The following MET variants were observed in gnomAD, a reference collection of about 807,000 sequenced individuals.
The protein encoded by MET is MET proto-oncogene, receptor tyrosine kinase, also known as hepatocyte growth factor receptor.
A neutral mutation model predicts 133.1 loss-of-function variants in MET; 48 were observed. The observed-to-expected ratio is 0.36, with a 90% CI of 0.29 to 0.46. The LOEUF is 0.46. MET is among the 20% of genes least tolerant of loss of function. The pLI, the probability that MET is intolerant of heterozygous loss-of-function variation, is 1.00. For missense variants in MET, 1,442 were observed against 1,695.9 expected (o/e 0.85, Z 2.63); for synonymous variants, 628 against 616.5 (o/e 1.02, Z -0.28).
At chr7:116,697,602 G>A (rs777212789) in intron 1 of MET, among the ~76,000 whole-genome samples, 10 of 151,944 alleles carry the variant, frequency 6.6e-5, no homozygotes, top group South Asian at 2.1e-4. Context: ...TTCGAATTTC[G>A]GCTTAATTTT....
intron 17 of MET, among the ~76,000 whole-genome samples, chr7:116,779,800 G>T (rs1018357996): frequency 4.6e-5 from 7 of 152,028 alleles, no homozygotes; most frequent in African/African-American, 1.7e-4. Context: ...GATTTTGGGG[G>T]TTGAAAAATA....
At chr7:116,698,975 A>C in intron 1 of MET, 96 bp from the exon 2 acceptor site, 1 of 1,554,946 alleles carries the variant, frequency 6.4e-7, no homozygotes, top group South Asian at 1.2e-5. Context: ...TCCAGTTGGG[A>C]AGCTTTATTT....
At chr7:116,753,947 G>A (rs1414841619) in intron 5 of MET, among the ~76,000 whole-genome samples, 1 of 152,096 alleles carries the variant, frequency 6.6e-6, no homozygotes, top group Non-Finnish European at 1.5e-5. Context: ...TGAAACCTGG[G>A]CAGCATAACA....
At chr7:116,723,821 G>T (rs1374151019) in intron 2 of MET, among the ~76,000 whole-genome samples, 26 of 152,200 alleles carry the variant, frequency 1.7e-4, no homozygotes, top group Admixed American at 1.7e-3. Flanking sequence ...GGACCCACTT[G>T]AGGAGGCAGT....
At position 116,731,778 on chromosome 7, in the gene MET, C is replaced by G. The variant is rs1324576950; in HGVS notation, c.1311C>G (p.Val437=). The change falls in exon 3 of 21, where the codon GTC becomes GTG. Residue 437 remains valine, a synonymous_variant. Transcript: ENST00000397752. ...TATTCATGGGTCAATTCAGCGAAGT[C>G]CTCTTAACATCTATATCCACCTTCA... ...VDLFMGQFSE[V]LLTSISTFIK... The G allele has an allele frequency of 1.2e-6, 2 of 1,614,036 alleles. No homozygotes were observed. Among genetic ancestry groups the G allele is most frequent in the African/African-American group, 2.7e-5 (2 of 74,946 alleles).
chr7:116,762,574 T>C (rs1462304982), intron 10 of MET, among the ~76,000 whole-genome samples: 1 of 152,194 alleles, frequency 6.6e-6, no homozygotes, highest in African/African-American at 2.4e-5. Flanking sequence ...GTATCCAACA[T>C]GGTAAATAGC....
At chr7:116,744,118 G>T (rs1348770354) in intron 5 of MET, among the ~76,000 whole-genome samples, 1 of 152,116 alleles carries the variant, frequency 6.6e-6, no homozygotes. Flanking sequence ...CCAAAAACCA[G>T]AACACCTCTT....
At chr7:116,738,210 G>A (rs1160465483) in intron 3 of MET, among the ~76,000 whole-genome samples, 7 of 152,186 alleles carry the variant, frequency 4.6e-5, no homozygotes, top group Non-Finnish European at 1.0e-4. Flanking sequence ...TACCTTTGCA[G>A]TTTGAAGTGA....
intron 2 of MET, among the ~76,000 whole-genome samples, chr7:116,728,426 C>A (rs1792876775): frequency 6.6e-6 from 1 of 152,152 alleles, no homozygotes; most frequent in Admixed American, 6.5e-5. Context: ...ATTGCATTAA[C>A]TCTAATACAG....
At position 116,764,033 on chromosome 7, in the gene MET, T is replaced by C. The variant is rs564765380; in HGVS notation, c.2583+765T>C. 5.9e-4 allele frequency among the ~76,000 whole-genome samples: 90 copies of C among 152,330 alleles called. 4 individuals are homozygous for C. In the South Asian group the frequency reaches 0.017, roughly 29 times the overall value. ...CATGTTGTTAAAACATTTAGAATTT[T>C]TTTTCCTGAAAGATGATCTGAATGC... On this transcript the variant is annotated intron_variant, in intron 11 of 20. Transcript: ENST00000397752.
At chr7:116,692,506 A>G (rs1291245134) in intron 1 of MET, among the ~76,000 whole-genome samples, 9 of 152,214 alleles carry the variant, frequency 5.9e-5, no homozygotes, top group Non-Finnish European at 1.0e-4. Flanking sequence ...CAATTACTCA[A>G]TGAATACTTA....
intron 19 of MET, among the ~76,000 whole-genome samples, chr7:116,793,715 A>T (rs1482673878): frequency 6.6e-6 from 1 of 151,866 alleles, no homozygotes; most frequent in Non-Finnish European, 1.5e-5. Context: ...CCTGGCCAAC[A>T]TGGAGAAACC....
At chr7:116,723,466 C>T in intron 2 of MET, among the ~76,000 whole-genome samples, 1 of 152,186 alleles carries the variant, frequency 6.6e-6, no homozygotes, top group Non-Finnish European at 1.5e-5. Context: ...TCATCTGAAG[C>T]CTTCTTCTCT....
chr7:116,759,652 A>G (rs943578232), intron 10 of MET, 162 bp downstream of exon 10: 2 of 802,968 alleles, frequency 2.5e-6, no homozygotes, highest in Non-Finnish European at 4.2e-6. Context: ...AACTGAAATT[A>G]TCTAGAGTCT....
intron 19 of MET, among the ~76,000 whole-genome samples, chr7:116,793,213 C>T (rs1020801171): frequency 3.3e-5 from 5 of 149,652 alleles, no homozygotes; most frequent in Admixed American, 2.7e-4. Flanking sequence ...CTCACTCTAT[C>T]GCCCAAGCTG....
In MET at chr7:116,781,905, T is replaced by A. The variant is rs553344089; in HGVS notation, c.3523-83T>A. 89 of 910,786 alleles carry A rather than the reference T, an allele frequency of 9.8e-5. No individual in the cohort carries two copies. The Middle Eastern group carries it at 1.3e-3, about 13-fold the overall frequency. 56.4% of individuals were successfully genotyped at this position (910,786 alleles called of 1,614,324 possible). On this transcript the variant is annotated intron_variant, in intron 17 of 20. Coordinates refer to ENST00000397752, the MANE Select transcript of MET (RefSeq NM_000245.4). The stretch of plus-strand genomic sequence containing the variant: ...ATTTTTGAGACAAGATAATTTTTTA[T>A]AAATAAATATTTCAGAATTCTAAGG...
intron 19 of MET, among the ~76,000 whole-genome samples, chr7:116,785,650 C>A (rs1185411980): frequency 1.3e-5 from 2 of 152,118 alleles, no homozygotes; most frequent in Non-Finnish European, 2.9e-5. Context: ...CAAACCATAT[C>A]AATCATTCTC....
At chr7:116,789,681 G>C (rs904457791) in intron 19 of MET, among the ~76,000 whole-genome samples, 2 of 152,148 alleles carry the variant, frequency 1.3e-5, no homozygotes, top group African/African-American at 4.8e-5. Context: ...TTATGAGTCT[G>C]TCTCCTTTTA....
chr7:116,695,376 G>T (rs1201032934), intron 1 of MET, among the ~76,000 whole-genome samples: 1 of 152,174 alleles, frequency 6.6e-6, no homozygotes, highest in Non-Finnish European at 1.5e-5. Flanking sequence ...GCAAAACAAT[G>T]AGAATTACAG....
Sources: allele counts gnomAD v4.1 joint callset (sites outside exome capture counted in the v4.1 genomes callset), GRCh38; gene constraint gnomAD v4.1.1; transcripts MANE v1.5; gene names NCBI Gene and HGNC (gene_info 2026-07-23, HGNC 2026-07-21).